The following GALNT13 variants were observed in gnomAD, a reference collection of about 807,000 sequenced individuals.
GALNT13 encodes the protein polypeptide N-acetylgalactosaminyltransferase 13.
GALNT13 carries 28 observed loss-of-function variants against 64.2 expected under a neutral mutation model. The ratio of observed to expected loss-of-function variants is 0.44; its 90% confidence interval spans 0.32 to 0.60. The LOEUF is 0.60. GALNT13 is among the 20% of genes least tolerant of loss of function. The pLI is 0.05. For synonymous variants in GALNT13, 214 were observed against 224.6 expected (o/e 0.95, Z 0.42); for missense variants, 577 against 669.8 (o/e 0.86, Z 1.53).
At chr2:153,734,036 CCG>C in the GALNT13 span, among the ~76,000 whole-genome samples, 3 of 152,172 alleles carry the variant, frequency 2.0e-5, no homozygotes, top group African/African-American at 7.2e-5. Flanking sequence ...CAGTTCAGGA[CCG>C]TGTTGGTGTT....
chr2:154,384,548 G>C (rs1424871715), intron 9 of GALNT13, among the ~76,000 whole-genome samples: 1 of 151,700 alleles, frequency 6.6e-6, no homozygotes, highest in African/African-American at 2.4e-5. Context: ...GAATTACTTT[G>C]TCCCTATTAA....
At chr2:153,082,640 C>T in the GALNT13 span, among the ~76,000 whole-genome samples, 82 of 112,442 alleles carry the variant, frequency 7.3e-4, 1 homozygote, top group African/African-American at 3.2e-3. Context: ...CACACACACA[C>T]ACACACACAC....
At chr2:153,526,308 C>T in the GALNT13 span, among the ~76,000 whole-genome samples, 4 of 152,336 alleles carry the variant, frequency 2.6e-5, no homozygotes, top group African/African-American at 9.6e-5. Context: ...TGGCCACAGG[C>T]GTGCTAGTAT....
intron 1 of GALNT13, among the ~76,000 whole-genome samples, chr2:153,880,859 T>A (rs1454102313): frequency 6.6e-6 from 1 of 152,184 alleles, no homozygotes; most frequent in Non-Finnish European, 1.5e-5. Context: ...CCATTCTTCT[T>A]CATGGTGCTT....
the GALNT13 span, among the ~76,000 whole-genome samples, chr2:153,743,521 GTTTA>G: frequency 0.73 from 110,923 of 151,118 alleles, 42,781 homozygotes; most frequent in Non-Finnish European, 0.86. Flanking sequence ...GAAGCTTTTT[GTTTA>G]TTTATCTATT....
At chr2:154,153,329 T>G (rs1684177860) in intron 4 of GALNT13, among the ~76,000 whole-genome samples, 1 of 152,148 alleles carries the variant, frequency 6.6e-6, no homozygotes, top group Non-Finnish European at 1.5e-5. Context: ...GAGGTGTCAG[T>G]CTGCCCCTAC....
intron 7 of GALNT13, among the ~76,000 whole-genome samples, chr2:154,254,466 G>C (rs1166867364): frequency 6.6e-6 from 1 of 152,058 alleles, no homozygotes; most frequent in African/African-American, 2.4e-5. Flanking sequence ...AGAATCTAGA[G>C]GCATCCAGAT....
the GALNT13 span, among the ~76,000 whole-genome samples, chr2:153,171,649 C>T: frequency 3.9e-5 from 6 of 152,208 alleles, no homozygotes; most frequent in Non-Finnish European, 8.8e-5. Context: ...ATTGTGTCTG[C>T]CTGTGACACC....
At position 154,351,682 on chromosome 2, in the gene GALNT13, C is replaced by CAAAAAAAAAAAAAAA. The variant is rs567606376; in HGVS notation, c.1157-44285_1157-44271dup. ...TGGGCGACAAAGCGAGACTCCGTCT[C>CAAAAAAAAAAAAAAA]AAAAAAAAAAAAAAAAAAAAAAAAA... On this transcript the variant is annotated intron_variant, in intron 9 of 12. Coordinates refer to ENST00000392825, the MANE Select transcript of GALNT13 (RefSeq NM_052917.4). Among the ~76,000 whole-genome samples, 10 of 44,686 alleles carry CAAAAAAAAAAAAAAA rather than the reference C, an allele frequency of 2.2e-4. 1 individual carries two copies. Among genetic ancestry groups the CAAAAAAAAAAAAAAA allele is most frequent in the Admixed American group, 7.9e-4 (2 of 2,540 alleles). 29.3% of individuals were successfully genotyped at this position (44,686 alleles called of 152,430 possible).
chr2:153,725,324 G>T, the GALNT13 span, among the ~76,000 whole-genome samples: 2 of 151,400 alleles, frequency 1.3e-5, no homozygotes, highest in African/African-American at 4.8e-5. Context: ...GGAGAGGGGG[G>T]AGGGATAGCA....
At chr2:153,282,790 G>T in the GALNT13 span, among the ~76,000 whole-genome samples, 2 of 152,106 alleles carry the variant, frequency 1.3e-5, no homozygotes, top group Non-Finnish European at 2.9e-5. Context: ...TCTAGTTTTT[G>T]TAATTATTTT....
At chr2:153,963,946 T>C (rs1201752594) in intron 3 of GALNT13, among the ~76,000 whole-genome samples, 1 of 152,154 alleles carries the variant, frequency 6.6e-6, no homozygotes, top group Non-Finnish European at 1.5e-5. Context: ...TCTTTTATTG[T>C]TCTAGCTAAG....
the GALNT13 span, among the ~76,000 whole-genome samples, chr2:153,567,092 C>A: frequency 1.9e-3 from 291 of 152,314 alleles, 1 homozygote; most frequent in African/African-American, 6.4e-3. Context: ...TATCTCTTAA[C>A]TCTATCTTAA....
intron 9 of GALNT13, among the ~76,000 whole-genome samples, chr2:154,383,126 C>G (rs371325181): frequency 6.6e-6 from 1 of 151,842 alleles, no homozygotes; most frequent in African/African-American, 2.4e-5. Context: ...CCACTTCGTT[C>G]ATCTGGTATA....
At chr2:154,445,402 TTTG>T (rs1701517049) in intron 12 of GALNT13, among the ~76,000 whole-genome samples, 2 of 152,008 alleles carry the variant, frequency 1.3e-5, no homozygotes, top group Non-Finnish European at 2.9e-5. Context: ...CACTAATATC[TTTG>T]TTGTTAAAGT....
At chr2:153,703,048 C>T in the GALNT13 span, among the ~76,000 whole-genome samples, 8 of 151,946 alleles carry the variant, frequency 5.3e-5, no homozygotes, top group Middle Eastern at 3.2e-3. Context: ...GTAAGGGAGA[C>T]GTTTATAGGG....
At chr2:154,251,705 C>A (rs1329135683) in intron 7 of GALNT13, among the ~76,000 whole-genome samples, 1 of 152,140 alleles carries the variant, frequency 6.6e-6, no homozygotes, top group East Asian at 1.9e-4. Context: ...ACCAAACTTC[C>A]CATTTTTATC....
chr2:153,129,724 C>T, the GALNT13 span, among the ~76,000 whole-genome samples: 4 of 151,750 alleles, frequency 2.6e-5, no homozygotes, highest in East Asian at 1.9e-4. Flanking sequence ...GAGCCAAGAT[C>T]GTGCCACTGC....
chr2:153,587,604 A>G, the GALNT13 span, among the ~76,000 whole-genome samples: 44 of 152,266 alleles, frequency 2.9e-4, no homozygotes, highest in East Asian at 8.5e-3. Flanking sequence ...AACAGCATGG[A>G]AAAGACCTTC....
Sources: gnomAD v4.1 joint callset for allele counts (sites outside exome capture counted in the v4.1 genomes callset) on GRCh38, gnomAD v4.1.1 for gene constraint, MANE v1.5 for transcripts, NCBI Gene and HGNC (gene_info 2026-07-23, HGNC 2026-07-21) for gene names.